The following HLA-DRB1 variants were observed in gnomAD, a reference collection of about 807,000 sequenced individuals.
HLA-DRB1 encodes major histocompatibility complex, class II, DR beta 1.
A neutral mutation model predicts 27.9 loss-of-function variants in HLA-DRB1; 10 were observed. The ratio of observed to expected loss-of-function variants is 0.36; its 90% confidence interval spans 0.22 to 0.61. HLA-DRB1 has a LOEUF of 0.61. HLA-DRB1 is among the 20% of genes least tolerant of loss of function. HLA-DRB1 has a pLI of 0.73. For missense variants in HLA-DRB1, 118 were observed against 306.3 expected (o/e 0.39, Z 4.59); for synonymous variants, 57 against 126.7 (o/e 0.45, Z 3.69).
chr6:32,585,973 C>T (rs879909843), intron 1 of HLA-DRB1, among the ~76,000 whole-genome samples: 1 of 90,970 alleles, frequency 1.1e-5, no homozygotes. Flanking sequence ...GTGATGGCGA[C>T]TGGATTCATT....
Position 32,585,203 on chromosome 6 carries a change from A to G in HLA-DRB1, c.101-825T>C, listed in dbSNP as rs1300470010. 4.7e-4 allele frequency among the ~76,000 whole-genome samples: 44 copies of G among 93,732 alleles called. 10 individuals are homozygous for G. Among genetic ancestry groups the G allele is most frequent in the African/African-American group, 2.1e-3 (43 of 20,912 alleles). The allele number at this position is 93,732 out of a possible 152,430, so 61.5% of individuals were successfully genotyped here. On this transcript the variant is annotated intron_variant, in intron 1 of 5. Transcript: ENST00000360004. Reference sequence around the variant, plus strand: ...AAATGAATGAAAGTTTCTCCTATACATCAGAACTAGCAGCCCTTGCATTTC... The same window carrying G: ...AAATGAATGAAAGTTTCTCCTATACGTCAGAACTAGCAGCCCTTGCATTTC...
intron 1 of HLA-DRB1, among the ~76,000 whole-genome samples, chr6:32,584,582 C>A: frequency 1.2e-5 from 1 of 85,998 alleles, no homozygotes; most frequent in African/African-American, 3.6e-5. Context: ...GCGGGAAAAC[C>A]CCTTCTCATC....
At chr6:32,582,868 A>T (rs9279731) in intron 2 of HLA-DRB1, among the ~76,000 whole-genome samples, 27,009 of 77,728 alleles carry the variant, frequency 0.35, 4,491 homozygotes, top group East Asian at 0.5. Context: ...AAATACAACT[A>T]TTTTTTTAGA....
In HLA-DRB1 at chr6:32,579,012, A is replaced by C; in HGVS notation, c.*79T>G. 2 of 538,324 alleles carry C rather than the reference A, an allele frequency of 3.7e-6. 1 individual carries two copies. Among genetic ancestry groups the C allele is most frequent in the Middle Eastern group, 1.0e-3 (2 of 1,998 alleles). The allele number at this position is 538,324 out of a possible 1,614,324, so 33.3% of individuals were successfully genotyped here. A position where few individuals can be genotyped will look rare whatever the true frequency, so the allele number is the denominator to read the frequency against. On this transcript the variant is annotated 3_prime_UTR_variant, in exon 6 of 6. Transcript: ENST00000360004. Reference sequence around the variant, plus strand: ...CTGAGAAAGCCCTCTCTTGTGGAAGAATAACTGCCAAGCAGGAAAGCTTTT... The same window carrying C: ...CTGAGAAAGCCCTCTCTTGTGGAAGCATAACTGCCAAGCAGGAAAGCTTTT...
intron 1 of HLA-DRB1, among the ~76,000 whole-genome samples, 200 bp downstream of exon 1, chr6:32,589,443 C>T (rs879423403): frequency 0.19 from 12,605 of 66,742 alleles, 779 homozygotes; most frequent in East Asian, 0.26. Context: ...TGTGCAAAGG[C>T]CCCTTACACA....
intron 1 of HLA-DRB1, among the ~76,000 whole-genome samples, chr6:32,586,193 C>T (rs200032445): frequency 0.32 from 35,559 of 110,178 alleles, 2,250 homozygotes; most frequent in Middle Eastern, 0.44. Context: ...TCCTTCTCTT[C>T]AGCTTCTTTA....
intron 2 of HLA-DRB1, among the ~76,000 whole-genome samples, chr6:32,583,877 C>T (rs1175076974): frequency 2.0e-5 from 1 of 49,296 alleles, no homozygotes; most frequent in African/African-American, 7.2e-5. Context: ...CCACAACAGA[C>T]ACACAGACAC....
chr6:32,583,755 G>T lies in HLA-DRB1; in HGVS notation c.370+354C>A, dbSNP rs796953327. Among the ~76,000 whole-genome samples the T allele has an allele frequency of 5.7e-3, 219 of 38,562 alleles. 15 individuals are homozygous for T. The highest frequency in any genetic ancestry group is 0.019 in the Middle Eastern group (1 of 54). The allele number at this position is 38,562 out of a possible 152,430, so 25.3% of individuals were successfully genotyped here. On this transcript the variant is annotated intron_variant, in intron 2 of 5. Coordinates refer to ENST00000360004, the Ensembl canonical transcript of HLA-DRB1. ...ACATTTCCCTTCCCTGCATCTCTAA[G>T]GACCGAGATAATCAAGGTCTCCTCT...
chr6:32,580,709 A>C (rs769695198), intron 4 of HLA-DRB1, 37 bp downstream of exon 4: 1 of 1,552,988 alleles, frequency 6.4e-7, no homozygotes, highest in East Asian at 2.4e-5. Context: ...CCTCCAGAAA[A>C]GCCTATGGAG....
At chr6:32,589,267 A>G (rs1391650917) in intron 1 of HLA-DRB1, among the ~76,000 whole-genome samples, 1 of 145,238 alleles carries the variant, frequency 6.9e-6, no homozygotes, top group African/African-American at 2.6e-5. Context: ...CTTGACTCCC[A>G]CAAAATTTTC....
At chr6:32,587,622 C>T (rs9270156) in intron 1 of HLA-DRB1, among the ~76,000 whole-genome samples, 2,643 of 60,948 alleles carry the variant, frequency 0.043, 121 homozygotes, top group Middle Eastern at 0.085. Context: ...ACTTTCATCC[C>T]TTAGATCTTC....
Position 32,587,199 on chromosome 6 carries a change from G to A in HLA-DRB1, c.100+2444C>T, listed in dbSNP as rs35111969. Among the ~76,000 whole-genome samples the A allele has an allele frequency of 5.9e-5, 3 of 51,020 alleles. 1 individual carries two copies. Among genetic ancestry groups the A allele is most frequent in the South Asian group, 5.4e-4 (1 of 1,838 alleles). 33.5% of individuals were successfully genotyped at this position (51,020 alleles called of 152,430 possible). A position where few individuals can be genotyped will look rare whatever the true frequency, so the allele number is the denominator to read the frequency against. On this transcript the variant is annotated intron_variant, in intron 1 of 5. Coordinates refer to ENST00000360004, the Ensembl canonical transcript of HLA-DRB1. ...AGATCGAGACCATCCTGGCTAACAC[G>A]GTGAAACCCTATCCCTACTAAAAAT...
chr6:32,582,230 A>T (rs35411364), intron 2 of HLA-DRB1, among the ~76,000 whole-genome samples: 1,635 of 124,924 alleles, frequency 0.013, no homozygotes, highest in Admixed American at 0.026. Flanking sequence ...CAACTTTGTC[A>T]CCTACAATGA....
At chr6:32,585,159 G>T (rs9270012) in intron 1 of HLA-DRB1, among the ~76,000 whole-genome samples, 47,624 of 82,774 alleles carry the variant, frequency 0.58, 17,631 homozygotes, top group Middle Eastern at 0.72. Flanking sequence ...CATATACAAC[G>T]TTTAAAATGA....
chr6:32,578,798 A>C, exon 6 of HLA-DRB1: 1 of 245,596 alleles, frequency 4.1e-6, no homozygotes. Context: ...AACATTTAAT[A>C]ATGTAATGTG....
intron 1 of HLA-DRB1, 97 bp from the exon 2 acceptor site, chr6:32,584,475 C>CT: frequency 1.7e-6 from 1 of 597,250 alleles, no homozygotes; most frequent in Non-Finnish European, 2.5e-6. Context: ...GGTGCGGGCG[C>CT]TGGAACCTTA....
At position 32,579,368 on chromosome 6, in the gene HLA-DRB1, T is replaced by A. The variant is rs796595511; in HGVS notation, c.788-264A>T. On this transcript the variant is annotated intron_variant, in intron 5 of 5. Coordinates refer to ENST00000360004, the Ensembl canonical transcript of HLA-DRB1. ...CTTATCACCTCTACCATCATTCTGG[T>A]GTGTCCTGAGTTTGTTCCTTCCGGT... Among the ~76,000 whole-genome samples the A allele has an allele frequency of 4.7e-3, 372 of 79,226 alleles. 25 individuals carry two copies. Among genetic ancestry groups the A allele is most frequent in the South Asian group, 0.019 (44 of 2,258 alleles). The allele number at this position is 79,226 out of a possible 152,430, so 52.0% of individuals were successfully genotyped here. A position where few individuals can be genotyped will look rare whatever the true frequency, so the allele number is the denominator to read the frequency against.
chr6:32,584,470 G>A (rs531110373), intron 1 of HLA-DRB1, 92 bp from the exon 2 acceptor site: 14,947 of 604,234 alleles, frequency 0.025, 289 homozygotes, highest in East Asian at 0.094. Flanking sequence ...AGCGGGGTGC[G>A]GGCGCTGGAA....
chr6:32,588,925 T>G (rs9270228), intron 1 of HLA-DRB1, among the ~76,000 whole-genome samples: 125 of 100,802 alleles, frequency 1.2e-3, no homozygotes, highest in East Asian at 4.4e-3. Context: ...CCTGGGCTAG[T>G]TTTTCAGAGG....
Sources: allele counts gnomAD v4.1 joint callset (sites outside exome capture counted in the v4.1 genomes callset), GRCh38; gene constraint gnomAD v4.1.1; transcripts MANE v1.5; gene names NCBI Gene and HGNC (gene_info 2026-07-23, HGNC 2026-07-21).